The following DNAH11 variants were observed in gnomAD, a reference collection of about 807,000 sequenced individuals.
DNAH11 encodes dynein axonemal heavy chain 11, also known as axonemal beta dynein heavy chain 11.
Under a neutral mutation model 526.0 loss-of-function variants are expected in DNAH11, and 442 were observed. The ratio of observed to expected loss-of-function variants is 0.84; its 90% confidence interval spans 0.78 to 0.91. The LOEUF (loss-of-function observed/expected upper bound fraction) is 0.91, where lower values mean the gene tolerates loss of function less well. DNAH11 is among the 40% of genes least tolerant of loss of function. The probability of loss-of-function intolerance (pLI) is 0.00; values close to 1 mark genes in which losing one functional copy is unlikely to be tolerated. For missense variants in DNAH11, 6,989 were observed against 5,448.7 expected (o/e 1.28, Z -8.90); for synonymous variants, 2,461 against 1,935.9 (o/e 1.27, Z -7.12).
At chr7:21,623,133 C>T (rs1786158787) in intron 25 of DNAH11, among the ~76,000 whole-genome samples, 1 of 151,604 alleles carries the variant, frequency 6.6e-6, no homozygotes, top group South Asian at 2.1e-4. Context: ...AAAAAAACAA[C>T]CCCATCAAAA....
intron 61 of DNAH11, among the ~76,000 whole-genome samples, chr7:21,789,789 C>CTT (rs1356149541): frequency 2.2e-5 from 2 of 92,460 alleles, no homozygotes; most frequent in Admixed American, 1.4e-4. Flanking sequence ...TTCTTTCTTT[C>CTT]TTTCTTTCTT....
chr7:21,765,283 A>G, intron 54 of DNAH11, 145 bp from the exon 55 acceptor site: 1 of 1,124,376 alleles, frequency 8.9e-7, no homozygotes. Context: ...CAAGGAGGTT[A>G]ATGTTGCTGT....
chr7:21,768,260 G>C (rs1042102999), intron 55 of DNAH11, among the ~76,000 whole-genome samples: 2 of 152,212 alleles, frequency 1.3e-5, no homozygotes, highest in Non-Finnish European at 2.9e-5. Flanking sequence ...GTGTTGGAAA[G>C]GCTGTGAGAA....
chr7:21,766,932 G>T (rs4722056), intron 55 of DNAH11, among the ~76,000 whole-genome samples: 7 of 151,938 alleles, frequency 4.6e-5, no homozygotes, highest in Admixed American at 1.3e-4. Context: ...TACCTCCCCT[G>T]TCCTTCTCTC....
chr7:21,797,909 G>C (rs1339558349), intron 61 of DNAH11, among the ~76,000 whole-genome samples: 1 of 152,304 alleles, frequency 6.6e-6, no homozygotes, highest in East Asian at 1.9e-4. Flanking sequence ...CTTACCATGT[G>C]CTTGCTGAAT....
rs780444366 is a variant in DNAH11 at position 21,638,959 on chromosome 7, C to T, written c.4838C>T (p.Ala1613Val). Residue 1613 changes from alanine to valine, a missense_variant, in exon 28 of 82, where the codon GCT (alanine) becomes GTT (valine). Coordinates refer to ENST00000409508, the MANE Select transcript of DNAH11 (RefSeq NM_001277115.2). ...LQSRLSLCEKALAEYLETKRI... is the reference protein window; with the variant it reads ...LQSRLSLCEKVLAEYLETKRI... ...TGTAGGCTTTCTCTTTGTGAAAAAG[C>T]TCTCGCTGAATACCTGGAAACCAAG... 1.2e-6 allele frequency: 2 copies of T among 1,611,144 alleles called. No homozygotes were observed. The highest frequency in any genetic ancestry group is 1.7e-6 in the Non-Finnish European group (2 of 1,179,068).
At position 21,738,555 on chromosome 7, in the gene DNAH11, T is replaced by G. The variant is rs1109805; in HGVS notation, c.7646-146T>G. ...CACAAAAGGAGGGGCCAGAGACACATCCCGGGTCTCTTAACCTATGAAGGG... is the reference window on the plus strand; with the variant it reads ...CACAAAAGGAGGGGCCAGAGACACAGCCCGGGTCTCTTAACCTATGAAGGG... On this transcript the variant is annotated intron_variant, in intron 46 of 81. Coordinates refer to ENST00000409508, the MANE Select transcript of DNAH11 (RefSeq NM_001277115.2). 0.62 allele frequency: 448,800 copies of G among 726,768 alleles called. 143,858 individuals carry two copies. Among genetic ancestry groups the G allele is most frequent in the Non-Finnish European group, 0.67 (309,732 of 463,318 alleles). The allele number at this position is 726,768 out of a possible 1,614,324, so 45.0% of individuals were successfully genotyped here.
intron 25 of DNAH11, among the ~76,000 whole-genome samples, chr7:21,623,654 T>C (rs1321511615): frequency 6.6e-6 from 1 of 152,116 alleles, no homozygotes; most frequent in Non-Finnish European, 1.5e-5. Flanking sequence ...GATGAGTTCA[T>C]GTCCTTTGTA....
intron 60 of DNAH11, among the ~76,000 whole-genome samples, 197 bp from the exon 61 acceptor site, chr7:21,789,044 T>G (rs150991292): frequency 9.3e-4 from 142 of 152,154 alleles, no homozygotes; most frequent in African/African-American, 3.2e-3. Flanking sequence ...ATCTCAGCAC[T>G]TTGGGAGGCT....
chr7:21,696,003 A>G (rs1783833765), intron 35 of DNAH11, among the ~76,000 whole-genome samples: 1 of 152,214 alleles, frequency 6.6e-6, no homozygotes, highest in Non-Finnish European at 1.5e-5. Flanking sequence ...CTTGAATTCC[A>G]TACCTGATAC....
At chr7:21,628,646 A>G (rs1786460776) in intron 25 of DNAH11, among the ~76,000 whole-genome samples, 1 of 152,110 alleles carries the variant, frequency 6.6e-6, no homozygotes, top group Non-Finnish European at 1.5e-5. Flanking sequence ...ACTCCCACTT[A>G]ACCATGGTAA....
chr7:21,598,947 C>T (rs1312670479), intron 14 of DNAH11, among the ~76,000 whole-genome samples: 1 of 152,170 alleles, frequency 6.6e-6, no homozygotes, highest in African/African-American at 2.4e-5. Flanking sequence ...CATAGTATTC[C>T]ATGTATACAC....
At chr7:21,638,001 A>G (rs933975951) in intron 27 of DNAH11, among the ~76,000 whole-genome samples, 3 of 150,240 alleles carry the variant, frequency 2.0e-5, no homozygotes, top group African/African-American at 5.0e-5. Flanking sequence ...TCCTCAGACT[A>G]TCCTGTAAAT....
intron 80 of DNAH11, 96 bp from the exon 81 acceptor site, chr7:21,899,884 C>T: frequency 6.8e-7 from 1 of 1,461,724 alleles, no homozygotes; most frequent in Non-Finnish European, 9.2e-7. Flanking sequence ...CCTAAAACAC[C>T]CTATGGGACT....
intron 6 of DNAH11, among the ~76,000 whole-genome samples, chr7:21,567,988 A>G (rs1487140491): frequency 1.3e-5 from 2 of 152,082 alleles, no homozygotes; most frequent in African/African-American, 2.4e-5. Context: ...TATTGTAGAT[A>G]TTGTCACCTA....
intron 68 of DNAH11, among the ~76,000 whole-genome samples, chr7:21,859,032 C>T (rs973941921): frequency 6.6e-6 from 1 of 152,082 alleles, no homozygotes; most frequent in Non-Finnish European, 1.5e-5. Context: ...ACTTTATGCA[C>T]AAAATTGTTT....
intron 14 of DNAH11, among the ~76,000 whole-genome samples, chr7:21,594,122 A>G (rs1784789464): frequency 2.7e-5 from 4 of 150,796 alleles, no homozygotes; most frequent in South Asian, 2.1e-4. Context: ...ATGAAGTAGC[A>G]CAGTGTGGGG....
At chr7:21,646,234 A>G (rs780757610) in intron 28 of DNAH11, among the ~76,000 whole-genome samples, 5 of 152,244 alleles carry the variant, frequency 3.3e-5, no homozygotes, top group Non-Finnish European at 5.9e-5. Flanking sequence ...AGATGAGATA[A>G]CAGGATGGCC....
At chr7:21,812,101 A>T (rs1028624883) in intron 63 of DNAH11, among the ~76,000 whole-genome samples, 1 of 152,194 alleles carries the variant, frequency 6.6e-6, no homozygotes, top group Admixed American at 6.5e-5. Flanking sequence ...ACAGTGCTTT[A>T]ACATGAAAGA....
Sources: gnomAD v4.1 joint callset for allele counts (sites outside exome capture counted in the v4.1 genomes callset) on GRCh38, gnomAD v4.1.1 for gene constraint, MANE v1.5 for transcripts, NCBI Gene and HGNC (gene_info 2026-07-23, HGNC 2026-07-21) for gene names.